Variants in TRPC5 observed in about 807,000 individuals in gnomAD.
The protein encoded by TRPC5 is transient receptor potential cation channel subfamily C member 5.
A neutral mutation model predicts 56.5 loss-of-function variants in TRPC5; 9 were observed. The ratio of observed to expected loss-of-function variants is 0.16; its 90% CI spans 0.10 to 0.28. The LOEUF is 0.28. Ranked by LOEUF, TRPC5 falls within the 10% of genes least tolerant of loss-of-function variation. The pLI, the probability that TRPC5 is intolerant of heterozygous loss-of-function variation, is 1.00. For missense variants in TRPC5, 469 were observed against 748.9 expected, an observed-to-expected ratio of 0.63 and a Z score of 4.36; for synonymous variants, 282 against 278.5, an observed-to-expected ratio of 1.01 and a Z score of -0.13.
At chrX:111,888,230 C>T (rs1268770367) in intron 3 of TRPC5, among the ~76,000 whole-genome samples, 1 of 111,023 alleles carries the variant, frequency 9.0e-6, no homozygotes, top group Non-Finnish European at 1.9e-5. Flanking sequence ...AAATAGAAAA[C>T]GAAGTTGCAG....
In TRPC5 at chrX:111,769,217, C is replaced by T. The variant is rs1443698625; in HGVS notation, c.*7096G>A. On this transcript the variant is annotated 3_prime_UTR_variant, in exon 11 of 11. Coordinates refer to ENST00000262839, the MANE Select transcript of TRPC5 (RefSeq NM_012471.3). ...CCTGATAACAGCCTAGTCACCAGAGCCTCTGTGCTATACAATGTCATTTCT... is the reference window on the plus strand; with the variant it reads ...CCTGATAACAGCCTAGTCACCAGAGTCTCTGTGCTATACAATGTCATTTCT... 9.0e-6 allele frequency among the ~76,000 whole-genome samples: 1 copy of T among 111,466 alleles called. No homozygotes were observed. The highest frequency in any genetic ancestry group is 1.9e-5 in the Non-Finnish European group (1 of 53,041).
intron 1 of TRPC5, among the ~76,000 whole-genome samples, chrX:112,017,565 A>G (rs1292501240): frequency 1.8e-5 from 2 of 110,311 alleles, no homozygotes; most frequent in Non-Finnish European, 3.8e-5. Flanking sequence ...AGAAAGGAAT[A>G]TACTTATGAG....
At chrX:111,794,053 A>G (rs1337137031) in intron 7 of TRPC5, among the ~76,000 whole-genome samples, 2 of 111,669 alleles carry the variant, frequency 1.8e-5, no homozygotes, top group African/African-American at 6.5e-5. Context: ...GGCTAGCAGG[A>G]GAAGGGAATA....
At chrX:112,023,234 GTTTTTTTTTTTGT>G (rs1929321885) in intron 1 of TRPC5, among the ~76,000 whole-genome samples, 1 of 45,957 alleles carries the variant, frequency 2.2e-5, no homozygotes, top group African/African-American at 8.0e-5. Context: ...GCGCCCAGCA[GTTTTTTTTTTTGT>G]TTTTTTTTTT....
chrX:112,019,440 CT>C (rs756001069), intron 1 of TRPC5, among the ~76,000 whole-genome samples: 122 of 102,120 alleles, frequency 1.2e-3, no homozygotes, highest in Non-Finnish European at 1.0e-3. Flanking sequence ...CCCGGTTTTC[CT>C]TTTTTTTTTT....
chrX:111,938,728 G>A (rs1413675030), intron 2 of TRPC5, among the ~76,000 whole-genome samples: 3 of 111,915 alleles, frequency 2.7e-5, no homozygotes, highest in Non-Finnish European at 5.6e-5. Flanking sequence ...GCTTTTTAAT[G>A]TGCTGCTGGA....
chrX:111,891,507 G>A (rs1304404078), intron 3 of TRPC5, among the ~76,000 whole-genome samples: 1 of 111,457 alleles, frequency 9.0e-6, no homozygotes, highest in African/African-American at 3.3e-5. Flanking sequence ...TGTAAAATAG[G>A]TATAATCCTT....
intron 2 of TRPC5, among the ~76,000 whole-genome samples, chrX:111,941,160 C>T (rs148509617): frequency 2.6e-4 from 29 of 112,142 alleles, no homozygotes; most frequent in African/African-American, 9.1e-4. Context: ...GTTCCTACTC[C>T]AACCGTTCCT....
chrX:111,892,562 C>T (rs1002786742), intron 3 of TRPC5, among the ~76,000 whole-genome samples: 1 of 111,455 alleles, frequency 9.0e-6, no homozygotes, highest in Non-Finnish European at 1.9e-5. Flanking sequence ...GAGCTCAAAG[C>T]CAGAATAAGG....
At chrX:111,783,369 C>T (rs1486120333) in intron 7 of TRPC5, among the ~76,000 whole-genome samples, 2 of 111,421 alleles carry the variant, frequency 1.8e-5, no homozygotes, top group Non-Finnish European at 3.8e-5. Context: ...TAATAAAATG[C>T]CAAACTGTTT....
intron 7 of TRPC5, among the ~76,000 whole-genome samples, chrX:111,824,834 T>C (rs1922140476): frequency 8.9e-6 from 1 of 111,956 alleles, no homozygotes; most frequent in South Asian, 3.8e-4. Flanking sequence ...GAATAAAGTA[T>C]GGTAGGCAGA....
At chrX:111,994,529 C>G (rs1012166538) in intron 1 of TRPC5, among the ~76,000 whole-genome samples, 1 of 111,754 alleles carries the variant, frequency 8.9e-6, no homozygotes, top group African/African-American at 3.3e-5. Flanking sequence ...TTCTTCCTAT[C>G]CATGAGCATG....
At chrX:111,789,663 C>T (rs1405797027) in intron 7 of TRPC5, among the ~76,000 whole-genome samples, 2 of 111,790 alleles carry the variant, frequency 1.8e-5, no homozygotes, top group African/African-American at 6.5e-5. Flanking sequence ...TGCAATCTGC[C>T]CATCTGACAA....
chrX:111,878,911 C>T (rs920357804), intron 3 of TRPC5, among the ~76,000 whole-genome samples: 10 of 111,737 alleles, frequency 8.9e-5, no homozygotes, highest in African/African-American at 1.6e-4. Flanking sequence ...TAAAGGCATT[C>T]TTTTCTTTGC....
At chrX:111,882,804 G>A (rs765012539) in intron 3 of TRPC5, among the ~76,000 whole-genome samples, 19 of 112,047 alleles carry the variant, frequency 1.7e-4, no homozygotes, top group Non-Finnish European at 3.4e-4. Context: ...AGTCAGAGCC[G>A]GCTGGGCGCT....
chrX:111,963,006 C>A (rs938078861), intron 1 of TRPC5, among the ~76,000 whole-genome samples: 8 of 111,732 alleles, frequency 7.2e-5, no homozygotes, highest in Non-Finnish European at 1.1e-4. Flanking sequence ...GTACCATGTG[C>A]GAGCCGAAGC....
intron 7 of TRPC5, among the ~76,000 whole-genome samples, chrX:111,830,307 C>T (rs990807861): frequency 5.4e-5 from 6 of 111,984 alleles, no homozygotes; most frequent in Admixed American, 3.8e-4. Flanking sequence ...AGCTCTTAGG[C>T]AGAAGGGACT....
At chrX:111,914,842 G>C (rs6642967) in intron 2 of TRPC5, among the ~76,000 whole-genome samples, 18 of 111,902 alleles carry the variant, frequency 1.6e-4, no homozygotes, top group African/African-American at 5.8e-4. Context: ...AGTTGGGAGA[G>C]ATGGGGAAGT....
chrX:111,810,950 A>G (rs1329241369), intron 7 of TRPC5, among the ~76,000 whole-genome samples: 2 of 112,307 alleles, frequency 1.8e-5, no homozygotes, highest in Non-Finnish European at 3.8e-5. Flanking sequence ...ATGAAGAAAT[A>G]TGACAAAGCA....
Sources: allele counts gnomAD v4.1 joint callset (sites outside exome capture counted in the v4.1 genomes callset), GRCh38; gene constraint gnomAD v4.1.1; transcripts MANE v1.5; gene names NCBI Gene and HGNC (gene_info 2026-07-23, HGNC 2026-07-21).